The following P2RX1 variants were observed in gnomAD, a reference collection of about 807,000 sequenced individuals.
P2RX1 encodes the protein P2X purinoceptor 1.
A neutral mutation model predicts 50.3 loss-of-function variants in P2RX1; 42 were observed. The ratio of observed to expected loss-of-function variants is 0.83; its 90% CI spans 0.65 to 1.08. The LOEUF is 1.08. Among genes scored for constraint, P2RX1 ranks in the 50% least tolerant of loss-of-function variants. The pLI is 0.00. For synonymous variants in P2RX1, 199 were observed against 202.6 expected (o/e 0.98, Z 0.15); for missense variants, 449 against 529.0 (o/e 0.85, Z 1.48).
chr17:3,913,245 C>T (rs1597531003), intron 1 of P2RX1, among the ~76,000 whole-genome samples: 1 of 151,880 alleles, frequency 6.6e-6, no homozygotes, highest in South Asian at 2.1e-4. Flanking sequence ...GCTGCCTCAG[C>T]CTCCCAAGTA....
intron 1 of P2RX1, among the ~76,000 whole-genome samples, chr17:3,909,451 GC>G (rs766963636): frequency 2.0e-5 from 3 of 151,998 alleles, no homozygotes; most frequent in Non-Finnish European, 2.9e-5. Context: ...ATGTTGATCC[GC>G]CCCCATTCCC....
rs1013128590 is a variant in P2RX1 at position 3,914,446 on chromosome 17, C to T, written c.137+1643G>A. On this transcript the variant is annotated intron_variant, in intron 1 of 11. Coordinates refer to ENST00000225538, the MANE Select transcript of P2RX1 (RefSeq NM_002558.4). This position sits in a 1 kb window ranked among gnomAD's most constrained non-coding sequence, Gnocchi z 4.1. The stretch of plus-strand genomic sequence containing the variant: ...GCTGGGAATGGGTGGGTCCCTCCAA[C>T]GCTGACAGCCTGTGACACACACAGA... 3.9e-5 allele frequency among the ~76,000 whole-genome samples: 6 copies of T among 152,134 alleles called. No homozygotes were observed. Among genetic ancestry groups the T allele is most frequent in the Admixed American group, 6.5e-5 (1 of 15,268 alleles).
At chr17:3,910,070 A>G (rs2056337232) in intron 1 of P2RX1, among the ~76,000 whole-genome samples, 1 of 144,778 alleles carries the variant, frequency 6.9e-6, no homozygotes, top group Non-Finnish European at 1.5e-5. Context: ...TGCCTCCCGG[A>G]TTCAAGCGAT....
At chr17:3,912,074 G>A (rs893222141) in intron 1 of P2RX1, among the ~76,000 whole-genome samples, 1 of 152,228 alleles carries the variant, frequency 6.6e-6, no homozygotes, top group Non-Finnish European at 1.5e-5. Context: ...TGAAGACAGA[G>A]AACTTGCCTG....
chr17:3,913,591 G>A (rs894298223), intron 1 of P2RX1, among the ~76,000 whole-genome samples: 1 of 150,744 alleles, frequency 6.6e-6, no homozygotes, highest in East Asian at 2.0e-4. Flanking sequence ...TGGCTTCTCA[G>A]CCTCCCTGCT....
rs1178609652 is a variant in P2RX1, at chr17:3,897,634, C to T, written c.*180G>A. 8 of 649,448 alleles carry T rather than the reference C, an allele frequency of 1.2e-5. No individual in the cohort carries two copies. The highest frequency in any genetic ancestry group is 2.7e-5 in the East Asian group (1 of 36,540). 40.2% of individuals were successfully genotyped at this position (649,448 alleles called of 1,614,324 possible). A position where few individuals can be genotyped will look rare whatever the true frequency, so the allele number is the denominator to read the frequency against. Reference sequence around the variant, plus strand: ...CCCTCAGGGTGTGTGGGGTCGGAGCCGGAGCTCAGATTTGCACAGGTCTCT... The same window carrying T: ...CCCTCAGGGTGTGTGGGGTCGGAGCTGGAGCTCAGATTTGCACAGGTCTCT... On this transcript the variant is annotated 3_prime_UTR_variant, in exon 12 of 12. Transcript: ENST00000225538.
chr17:3,897,792 G>C lies in P2RX1; in HGVS notation c.*22C>G, dbSNP rs1258251034. The C allele has an allele frequency of 1.9e-6, 3 of 1,609,952 alleles. No homozygotes were observed. The highest frequency in any genetic ancestry group is 2.2e-5 in the South Asian group (2 of 90,894). Reference sequence around the variant, plus strand: ...AGGCTGAAGCCTCACGCTGCACCCAGTCAGGAGTTGGGGCCCGAGCATCAG... The same window carrying C: ...AGGCTGAAGCCTCACGCTGCACCCACTCAGGAGTTGGGGCCCGAGCATCAG... On this transcript the variant is annotated 3_prime_UTR_variant, in exon 12 of 12. Coordinates refer to ENST00000225538, the MANE Select transcript of P2RX1 (RefSeq NM_002558.4).
At chr17:3,905,818 G>A (rs1364790955) in intron 1 of P2RX1, among the ~76,000 whole-genome samples, 1 of 142,576 alleles carries the variant, frequency 7.0e-6, no homozygotes, top group East Asian at 2.1e-4. Context: ...TTGCACTCCA[G>A]CCTGGGCGAC....
Position 3,905,369 on chromosome 17 carries a change from T to C in P2RX1, c.138-2A>G. The C allele has an allele frequency of 6.2e-7, 1 of 1,613,418 alleles. No individual in the cohort carries two copies. The highest frequency in any genetic ancestry group is 8.5e-7 in the Non-Finnish European group (1 of 1,179,956). On this transcript the variant is annotated splice_acceptor_variant, in intron 1 of 11. Transcript: ENST00000225538. LOFTEE classifies it high-confidence loss of function. ...CCCTTCTCATAGAGAAACACCCACCTGTGCGGGTGGGGACAGAGGGGGAGT... is the reference window on the plus strand; with the variant it reads ...CCCTTCTCATAGAGAAACACCCACCCGTGCGGGTGGGGACAGAGGGGGAGT...
chr17:3,899,538 C>T (rs1045848658), intron 8 of P2RX1, 96 bp downstream of exon 8: 2 of 1,540,216 alleles, frequency 1.3e-6, no homozygotes, highest in Non-Finnish European at 1.8e-6. Flanking sequence ...CCTCTGCTCC[C>T]CTCTGGGGAC....
intron 7 of P2RX1, among the ~76,000 whole-genome samples, chr17:3,901,351 G>C (rs544139802): frequency 6.6e-6 from 1 of 152,242 alleles, no homozygotes; most frequent in East Asian, 1.9e-4. Context: ...ACAGGCGTGA[G>C]CCACCGCACC....
chr17:3,911,828 G>T (rs532884872), intron 1 of P2RX1, among the ~76,000 whole-genome samples: 2 of 152,070 alleles, frequency 1.3e-5, no homozygotes, highest in African/African-American at 4.8e-5. Flanking sequence ...ACTGTGTCCC[G>T]ACAGGAGAGC....
In P2RX1 at chr17:3,904,001, CCA is replaced by C. The variant is rs1399731915; in HGVS notation, c.449_450del (p.Val150GlyfsTer10). On this transcript the variant is annotated frameshift_variant, in exon 5 of 12. Coordinates refer to ENST00000225538, the MANE Select transcript of P2RX1 (RefSeq NM_002558.4). LOFTEE classifies it high-confidence loss of function. ...KAQGIRTGKC[V>X]AFNDTVKTCE... is the part of the protein sequence containing the mutation. ...CACGTCTTCACAGTGTCGTTGAAGGCCACACACTTGCCCGTGCGGATGCCTGG... is the reference window on the plus strand; with the variant it reads ...CACGTCTTCACAGTGTCGTTGAAGGCCACACTTGCCCGTGCGGATGCCTGG... The C allele has an allele frequency of 6.2e-7, 1 of 1,614,106 alleles. No homozygotes were observed. The highest frequency in any genetic ancestry group is 1.7e-5 in the Admixed American group (1 of 60,018).
chr17:3,899,771 A>G lies in P2RX1; in HGVS notation c.748-10T>C. 2.5e-6 allele frequency: 4 copies of G among 1,613,114 alleles called. No individual in the cohort carries two copies. The highest frequency in any genetic ancestry group is 3.4e-6 in the Non-Finnish European group (4 of 1,179,374). On this transcript the variant is annotated splice_polypyrimidine_tract_variant and intron_variant, in intron 7 of 11. Coordinates refer to ENST00000225538, the MANE Select transcript of P2RX1 (RefSeq NM_002558.4). ...TGCCAACCACTCCACCCTGCCAGGG[A>G]CACAAGTAGTTAAGATCTGGGATTT...
At chr17:3,904,290 G>A (rs1242092091) in intron 4 of P2RX1, 40 bp downstream of exon 4, 3 of 1,585,780 alleles carry the variant, frequency 1.9e-6, no homozygotes, top group Non-Finnish European at 2.6e-6. Context: ...AGGGACCGCA[G>A]CCGGGGGACT....
rs149114820 is a variant in P2RX1, at chr17:3,914,376, A to T, written c.137+1713T>A. On this transcript the variant is annotated intron_variant, in intron 1 of 11. Transcript: ENST00000225538. The surrounding 1 kb of genome is among the most constrained non-coding windows in gnomAD (Gnocchi z 4.1). The stretch of plus-strand genomic sequence containing the variant: ...ACGGTAGTGAGGTCCCCGTCACTGG[A>T]GGTATAGGTTCCCGGCTGGGCAGCA... Among the ~76,000 whole-genome samples the T allele has an allele frequency of 6.6e-6, 1 of 151,348 alleles. No homozygotes were observed. The highest frequency in any genetic ancestry group is 6.6e-5 in the Admixed American group (1 of 15,164).
At chr17:3,901,303 G>A (rs1012919023) in intron 7 of P2RX1, among the ~76,000 whole-genome samples, 23 of 152,178 alleles carry the variant, frequency 1.5e-4, no homozygotes, top group Non-Finnish European at 2.4e-4. Flanking sequence ...TCCTGACCTC[G>A]TGATCCGCCC....
chr17:3,912,003 T>G (rs1484907092), intron 1 of P2RX1, among the ~76,000 whole-genome samples: 5 of 152,188 alleles, frequency 3.3e-5, no homozygotes, highest in Non-Finnish European at 7.3e-5. Context: ...CTCTTGTGCC[T>G]CGGGAGTGGC....
intron 1 of P2RX1, among the ~76,000 whole-genome samples, chr17:3,907,290 C>CGTACGTGT (rs1555548653): frequency 7.4e-6 from 1 of 134,358 alleles, no homozygotes; most frequent in African/African-American, 2.9e-5. Flanking sequence ...TTCAGGGTAA[C>CGTACGTGT]GTGTGTGTGT....
Sources: allele counts gnomAD v4.1 joint callset (sites outside exome capture counted in the v4.1 genomes callset), GRCh38; gene constraint gnomAD v4.1.1; non-coding constraint Gnocchi (gnomAD v3.1); transcripts MANE v1.5; gene names NCBI Gene and HGNC (gene_info 2026-07-23, HGNC 2026-07-21).